The following SLC18A2 variants were observed in gnomAD, a reference collection of about 807,000 sequenced individuals.
The protein encoded by SLC18A2 is synaptic vesicular amine transporter.
SLC18A2 carries 33 observed loss-of-function variants against 59.2 expected under a neutral mutation model. The observed-to-expected ratio is 0.56, with a 90% confidence interval of 0.42 to 0.75. The LOEUF (loss-of-function observed/expected upper bound fraction) is 0.75. Among genes scored for constraint, SLC18A2 ranks in the 30% least tolerant of loss-of-function variants. The pLI, the probability that SLC18A2 is intolerant of heterozygous loss-of-function variation, is 0.00. For synonymous variants in SLC18A2, 228 were observed against 253.5 expected (o/e 0.90, Z 0.95); for missense variants, 569 against 668.6 (o/e 0.85, Z 1.64).
intron 3 of SLC18A2, among the ~76,000 whole-genome samples, chr10:117,246,413 T>C (rs1844111189): frequency 6.6e-6 from 1 of 152,230 alleles, no homozygotes. Context: ...GTGAGCTCTT[T>C]CCCCTGTTAA....
chr10:117,242,254 A>T (rs1280356048), intron 2 of SLC18A2, among the ~76,000 whole-genome samples: 1 of 152,208 alleles, frequency 6.6e-6, no homozygotes, highest in Non-Finnish European at 1.5e-5. Flanking sequence ...AAAACAAGAC[A>T]TTTAGATATA....
chr10:117,248,395 G>A (rs1232541301), intron 3 of SLC18A2, among the ~76,000 whole-genome samples: 6 of 152,170 alleles, frequency 3.9e-5, no homozygotes, highest in South Asian at 4.1e-4. Flanking sequence ...TTCAGATCCT[G>A]TATTTCTGCT....
At chr10:117,276,755 G>C (rs150749863) in intron 15 of SLC18A2, among the ~76,000 whole-genome samples, 2 of 151,994 alleles carry the variant, frequency 1.3e-5, no homozygotes, top group African/African-American at 4.8e-5. Flanking sequence ...ATTAAGGAGA[G>C]AGCACATCCT....
chr10:117,254,247 C>T (rs1193846381), intron 5 of SLC18A2, 116 bp downstream of exon 5: 1 of 1,189,160 alleles, frequency 8.4e-7, no homozygotes, highest in Admixed American at 1.9e-5. Flanking sequence ...TTGGAGAAGG[C>T]ACCCACTTTC....
At chr10:117,241,862 C>G in intron 2 of SLC18A2, 48 bp downstream of exon 2, 1 of 1,549,034 alleles carries the variant, frequency 6.5e-7, no homozygotes, top group Non-Finnish European at 8.7e-7. Context: ...GCCCCAGCGC[C>G]CCTTCCCCGG....
At chr10:117,253,557 G>A (rs2133732620) in intron 4 of SLC18A2, 100 bp downstream of exon 4, 3 of 343,624 alleles carry the variant, frequency 8.7e-6, no homozygotes, top group Admixed American at 3.9e-5. Context: ...GACGGCGGGG[G>A]GGCGGGGGGG....
intron 5 of SLC18A2, 51 bp downstream of exon 5, chr10:117,254,182 G>A: frequency 1.3e-6 from 2 of 1,556,182 alleles, no homozygotes; most frequent in Non-Finnish European, 8.9e-7. Flanking sequence ...TGCAGAGTGA[G>A]CTGGACTCAT....
intron 9 of SLC18A2, 123 bp from the exon 10 acceptor site, chr10:117,257,674 T>TTATC: frequency 1.9e-6 from 1 of 513,976 alleles, no homozygotes. Flanking sequence ...GATATGCGAT[T>TTATC]TATCCTTTAC....
intron 3 of SLC18A2, among the ~76,000 whole-genome samples, chr10:117,248,389 G>C (rs1844131387): frequency 6.6e-6 from 1 of 152,154 alleles, no homozygotes; most frequent in Admixed American, 6.5e-5. Flanking sequence ...TTGTTATTCA[G>C]ATCCTGTATT....
At chr10:117,245,569 A>G (rs1844102146) in intron 3 of SLC18A2, among the ~76,000 whole-genome samples, 1 of 152,080 alleles carries the variant, frequency 6.6e-6, no homozygotes, top group African/African-American at 2.4e-5. Context: ...AGTGGGGCGC[A>G]GGACTGGCTG....
At chr10:117,258,668 T>C (rs1417921491) in intron 10 of SLC18A2, among the ~76,000 whole-genome samples, 2 of 152,088 alleles carry the variant, frequency 1.3e-5, no homozygotes, top group Non-Finnish European at 2.9e-5. Flanking sequence ...CGCCTCTTGA[T>C]CCCCAAAGCC....
chr10:117,267,793 TC>T, intron 13 of SLC18A2, 57 bp downstream of exon 13: 2 of 1,327,126 alleles, frequency 1.5e-6, no homozygotes, highest in Non-Finnish European at 2.1e-6. Context: ...TAGGAAGGGT[TC>T]TTCTTCCTCT....
Position 117,277,149 on chromosome 10 carries a change from T to C in SLC18A2, c.1441-13T>C, listed in dbSNP as rs1484011550. 2 of 1,414,068 alleles carry C rather than the reference T, an allele frequency of 1.4e-6. No individual in the cohort carries two copies. The highest frequency in any genetic ancestry group is 4.6e-5 in the East Asian group (2 of 43,096). The allele number at this position is 1,414,068 out of a possible 1,614,324, so 87.6% of individuals were successfully genotyped here. A position where few individuals can be genotyped will look rare whatever the true frequency, so the allele number is the denominator to read the frequency against. Reference sequence around the variant, plus strand: ...ACAAGAAGTTAATATACTTGCACTTTGCTCTCTTTTAGGCTATTCTCATGG... The same window carrying C: ...ACAAGAAGTTAATATACTTGCACTTCGCTCTCTTTTAGGCTATTCTCATGG... On this transcript the variant is annotated splice_polypyrimidine_tract_variant and intron_variant, in intron 15 of 15. Transcript: ENST00000644641.
chr10:117,241,536 A>T, intron 1 of SLC18A2, 143 bp from the exon 2 acceptor site: 1 of 850,640 alleles, frequency 1.2e-6, no homozygotes, highest in East Asian at 3.4e-5. Flanking sequence ...CGCTCGAGGC[A>T]GGTGAGCCGA....
rs146196094 is a variant in SLC18A2 at position 117,264,086 on chromosome 10, C to T, written c.992-2647C>T. 1.6e-3 allele frequency among the ~76,000 whole-genome samples: 239 copies of T among 152,326 alleles called. 1 individual carries two copies. The highest frequency in any genetic ancestry group is 5.4e-3 in the African/African-American group (224 of 41,562). On this transcript the variant is annotated intron_variant, in intron 10 of 15. Coordinates refer to ENST00000644641, the MANE Select transcript of SLC18A2 (RefSeq NM_003054.6). ...GGGCTGGATGGCCAGCTCATCTCCC[C>T]GCAGGCTTCGTGATGACCGGAGCCC...
At position 117,254,250 on chromosome 10, in the gene SLC18A2, C is replaced by A. The variant is rs899182241; in HGVS notation, c.607+119C>A. ...TGCTGGGGATTCTTGGAGAAGGCAC[C>A]CACTTTCCTCTTGGGTTCTGCTTGG... is the stretch of plus-strand genomic sequence containing the variant. On this transcript the variant is annotated intron_variant, in intron 5 of 15. Transcript: ENST00000644641. 4 of 1,176,980 alleles carry A rather than the reference C, an allele frequency of 3.4e-6. No homozygotes were observed. In the African/African-American group the frequency reaches 6.0e-5, roughly 18 times the overall value. 72.9% of individuals were successfully genotyped at this position (1,176,980 alleles called of 1,614,324 possible).
At chr10:117,267,523 T>C in intron 12 of SLC18A2, 150 bp from the exon 13 acceptor site, 1 of 543,360 alleles carries the variant, frequency 1.8e-6, no homozygotes, top group South Asian at 3.6e-5. Flanking sequence ...GAGGGTCCGG[T>C]TCTTCACAAA....
chr10:117,255,312 G>A lies in SLC18A2; in HGVS notation c.736G>A (p.Val246Met), dbSNP rs1844216013. The A allele has an allele frequency of 6.2e-7, 1 of 1,614,236 alleles. No individual in the cohort carries two copies. The highest frequency in any genetic ancestry group is 8.5e-7 in the Non-Finnish European group (1 of 1,180,044). ...PPFGSVLYEFVGKTAPFLVLA... is the reference protein window; with the variant it reads ...PPFGSVLYEFMGKTAPFLVLA... ...CTTCGGGAGTGTGCTCTATGAGTTT[G>A]TGGGGAAGACGGCTCCGTTCCTGGT... Residue 246 changes from valine (V) to methionine (M), a missense_variant, in exon 7 of 16, where the codon GTG becomes ATG. Physicochemically the swap from Val to Met is conservative, Grantham distance 21. Transcript: ENST00000644641.
In SLC18A2 at chr10:117,267,055, T is replaced by C. The variant is rs363227; in HGVS notation, c.1122+20T>C. On this transcript the variant is annotated intron_variant, in intron 12 of 15. Coordinates refer to ENST00000644641, the MANE Select transcript of SLC18A2 (RefSeq NM_003054.6). ...TTATGTGTGAGTAAAAGATGGCATT[T>C]GACAAGTGGGAACAATCTGTGAATA... 1,365,915 of 1,597,436 alleles carry C rather than the reference T, an allele frequency of 0.86. 588,089 individuals are homozygous for C. Among genetic ancestry groups the C allele is most frequent in the Non-Finnish European group, 0.89 (1,033,913 of 1,167,112 alleles).
Sources: gnomAD v4.1 joint callset for allele counts (sites outside exome capture counted in the v4.1 genomes callset) on GRCh38, gnomAD v4.1.1 for gene constraint, MANE v1.5 for transcripts, NCBI Gene and HGNC (gene_info 2026-07-23, HGNC 2026-07-21) for gene names.